Variants in POLA2 observed in about 807,000 individuals in gnomAD.
POLA2 encodes the protein DNA polymerase alpha 2, accessory subunit.
In POLA2, 47 loss-of-function variants were observed where a neutral mutation model predicts 82.8. The observed-to-expected ratio is 0.57, with a 90% CI of 0.45 to 0.72. The LOEUF (loss-of-function observed/expected upper bound fraction) is 0.72, where lower values mean the gene tolerates loss of function less well. POLA2 is among the 30% of genes least tolerant of loss of function. The pLI, the probability that POLA2 is intolerant of heterozygous loss-of-function variation, is 0.00. For synonymous variants in POLA2, 287 were observed against 286.8 expected, an observed-to-expected ratio of 1.00 and a Z score of -0.01; for missense variants, 634 against 728.1, an observed-to-expected ratio of 0.87 and a Z score of 1.49.
intron 10 of POLA2, among the ~76,000 whole-genome samples, chr11:65,286,309 C>T (rs990890050): frequency 2.0e-5 from 3 of 152,170 alleles, no homozygotes; most frequent in Admixed American, 6.5e-5. Context: ...GGATTCTTCT[C>T]TAGAACCTCC....
intron 3 of POLA2, 29 bp downstream of exon 3, chr11:65,267,597 C>T (rs1949475187): frequency 1.3e-5 from 18 of 1,344,656 alleles, no homozygotes; most frequent in Non-Finnish European, 1.7e-5. Flanking sequence ...GGTCTTTGCA[C>T]CAAGCTACAT....
exon 9 of POLA2, chr11:65,305,571 G>A (rs1392757718): frequency 1.1e-5 from 4 of 363,866 alleles, no homozygotes; most frequent in Non-Finnish European, 2.2e-5. Flanking sequence ...CCACGCAGGA[G>A]GCCAAGGCGG....
chr11:65,273,814 T>A (rs1056855720), intron 4 of POLA2, among the ~76,000 whole-genome samples: 1 of 152,014 alleles, frequency 6.6e-6, no homozygotes, highest in African/African-American at 2.4e-5. Context: ...AATCTTTTTC[T>A]ATCATTTGAC....
intron 10 of POLA2, among the ~76,000 whole-genome samples, chr11:65,285,544 C>T (rs1419503370): frequency 2.1e-5 from 3 of 143,550 alleles, no homozygotes; most frequent in African/African-American, 7.9e-5. Flanking sequence ...TACTGCACTC[C>T]AGCCTAGGAG....
In POLA2 at chr11:65,280,987, G is replaced by C; in HGVS notation, c.745-5G>C. ...CATTCTTATGCTGTGACCTTCCTTT[G>C]GTAGGAGCCTGTCACTCTGCTGGGC... On this transcript the variant is annotated splice_polypyrimidine_tract_variant and splice_region_variant and intron_variant, in intron 7 of 17. Coordinates refer to ENST00000265465, the MANE Select transcript of POLA2 (RefSeq NM_002689.4). The C allele has an allele frequency of 6.2e-7, 1 of 1,613,286 alleles. No homozygotes were observed. Among genetic ancestry groups the C allele is most frequent in the Non-Finnish European group, 8.5e-7 (1 of 1,179,782 alleles).
Position 65,287,781 on chromosome 11 carries a change from G to C in POLA2, c.1072G>C (p.Asp358His). The C allele has an allele frequency of 6.2e-7, 1 of 1,613,870 alleles. No individual in the cohort carries two copies. The highest frequency in any genetic ancestry group is 8.5e-7 in the Non-Finnish European group (1 of 1,179,890). ...PYTTSDSITYDPLLDLIAVIN... is the reference protein window; with the variant it reads ...PYTTSDSITYHPLLDLIAVIN... ...CACCACATCTGACAGCATCACGTATGACCCCCTGCTTGACCTGATTGCTGT... is the reference window on the plus strand; with the variant it reads ...CACCACATCTGACAGCATCACGTATCACCCCCTGCTTGACCTGATTGCTGT... The change falls in exon 11 of 18, where the codon GAC becomes CAC. Residue 358 changes from aspartate to histidine, a missense_variant. Physicochemically the swap from Asp to His is moderately conservative, Grantham distance 81 (BLOSUM62 -1). Transcript: ENST00000265465.
chr11:65,299,795 G>A (rs1260488216), downstream of POLA2, among the ~76,000 whole-genome samples: 1 of 152,118 alleles, frequency 6.6e-6, no homozygotes, highest in Non-Finnish European at 1.5e-5. Flanking sequence ...AGGTTCAAGC[G>A]ATTCTCCTGC....
chr11:65,267,076 G>C (rs1949469389), intron 2 of POLA2, among the ~76,000 whole-genome samples: 2 of 152,118 alleles, frequency 1.3e-5, no homozygotes, highest in South Asian at 4.1e-4. Context: ...CATGGTGGCA[G>C]GCGCCTGTAA....
At chr11:65,293,078 C>G (rs913680396) in intron 13 of POLA2, among the ~76,000 whole-genome samples, 2 of 152,342 alleles carry the variant, frequency 1.3e-5, no homozygotes, top group South Asian at 2.1e-4. Flanking sequence ...AAGGAAACAT[C>G]TGCTGTCATC....
intron 4 of POLA2, among the ~76,000 whole-genome samples, chr11:65,274,295 G>A (rs1949552872): frequency 6.6e-6 from 1 of 151,704 alleles, no homozygotes; most frequent in Non-Finnish European, 1.5e-5. Flanking sequence ...GAGTTGCAGT[G>A]AGCTGAGGTT....
intron 13 of POLA2, among the ~76,000 whole-genome samples, chr11:65,291,466 C>T (rs1341144992): frequency 6.6e-6 from 1 of 152,194 alleles, no homozygotes; most frequent in Non-Finnish European, 1.5e-5. Flanking sequence ...CCCTTTCCTC[C>T]CCTGCCTCCC....
At chr11:65,296,175 A>G in intron 17 of POLA2, 185 bp downstream of exon 17, 1 of 638,864 alleles carries the variant, frequency 1.6e-6, no homozygotes, top group Non-Finnish European at 2.8e-6. Flanking sequence ...CTGTCAGTAA[A>G]ATGCTTGAGT....
chr11:65,266,824 C>T, intron 2 of POLA2, 118 bp downstream of exon 2: 1 of 999,268 alleles, frequency 1.0e-6, no homozygotes, highest in Non-Finnish European at 1.5e-6. Context: ...ATTCCAGTCC[C>T]AGTGTGAGCT....
At chr11:65,290,917 A>T (rs935422613) in intron 13 of POLA2, among the ~76,000 whole-genome samples, 17 of 152,342 alleles carry the variant, frequency 1.1e-4, no homozygotes, top group African/African-American at 1.2e-4. Flanking sequence ...CAGTGGCTAC[A>T]GCTGGTGGTG....
At position 65,298,575 on chromosome 11, in the gene POLA2, A is replaced by C. The variant is rs1325125955; in HGVS notation, c.*1306A>C. 1 of 152,296 alleles carries C rather than the reference A, an allele frequency of 6.6e-6. No individual in the cohort carries two copies. Among genetic ancestry groups the C allele is most frequent in the Non-Finnish European group, 1.5e-5 (1 of 68,070 alleles). 9.4% of individuals were successfully genotyped at this position (152,296 alleles called of 1,614,324 possible). A position where few individuals can be genotyped will look rare whatever the true frequency, so the allele number is the denominator to read the frequency against. On this transcript the variant is annotated 3_prime_UTR_variant, in exon 18 of 18. Transcript: ENST00000265465. ...GTGTCTATGCCTTGACTCCGAGATA[A>C]ATAGATGACCTAACAGTGGCCAACT...
intron 4 of POLA2, among the ~76,000 whole-genome samples, chr11:65,271,955 C>G (rs1014790280): frequency 4.0e-5 from 6 of 151,732 alleles, no homozygotes; most frequent in African/African-American, 1.5e-4. Flanking sequence ...TAGAACAGTA[C>G]TTATCACATG....
At chr11:65,262,638 G>A (rs1223382589) in intron 1 of POLA2, among the ~76,000 whole-genome samples, 2 of 152,198 alleles carry the variant, frequency 1.3e-5, no homozygotes, top group African/African-American at 4.8e-5. Context: ...CCGAAAGGCG[G>A]AATTGGGATG....
intron 4 of POLA2, among the ~76,000 whole-genome samples, chr11:65,271,789 A>G (rs1949523826): frequency 1.3e-5 from 2 of 151,196 alleles, no homozygotes; most frequent in African/African-American, 4.9e-5. Flanking sequence ...CAGTGAGCCA[A>G]GATTACACCA....
chr11:65,299,711 C>T (rs1949848809), downstream of POLA2, among the ~76,000 whole-genome samples: 1 of 152,280 alleles, frequency 6.6e-6, no homozygotes, highest in South Asian at 2.1e-4. Context: ...AACCCCACCC[C>T]GACAGAGTCT....
Sources: gnomAD v4.1 joint callset for allele counts (sites outside exome capture counted in the v4.1 genomes callset) on GRCh38, gnomAD v4.1.1 for gene constraint, MANE v1.5 for transcripts, NCBI Gene and HGNC (gene_info 2026-07-23, HGNC 2026-07-21) for gene names.